The following EYS variants were observed in gnomAD, a reference collection of about 807,000 sequenced individuals.
EYS encodes protein eyes shut homolog.
Under a neutral mutation model 282.1 loss-of-function variants are expected in EYS, and 250 were observed. The observed-to-expected ratio is 0.89, with a 90% CI of 0.80 to 0.98. The LOEUF is 0.98. Among genes scored for constraint, EYS ranks in the 50% least tolerant of loss-of-function variants. The pLI, the probability that EYS is intolerant of heterozygous loss-of-function variation, is 0.00. For synonymous variants in EYS, 1,355 were observed against 1,282.9 expected (o/e 1.06, Z -1.20); for missense variants, 4,016 against 3,709.0 (o/e 1.08, Z -2.15).
intron 31 of EYS, among the ~76,000 whole-genome samples, chr6:64,191,230 G>A (rs1765093680): frequency 6.6e-6 from 1 of 150,984 alleles, no homozygotes; most frequent in Non-Finnish European, 1.5e-5. Flanking sequence ...CACATTTTTG[G>A]TGCCTTGTTT....
At chr6:65,042,140 A>G (rs1222788534) in intron 13 of EYS, among the ~76,000 whole-genome samples, 1 of 151,596 alleles carries the variant, frequency 6.6e-6, no homozygotes, top group African/African-American at 2.4e-5. Context: ...AATCATTTTT[A>G]CTTCTGGTCT....
At chr6:64,357,043 A>C (rs1161157311) in intron 29 of EYS, among the ~76,000 whole-genome samples, 2 of 151,670 alleles carry the variant, frequency 1.3e-5, no homozygotes, top group Non-Finnish European at 3.0e-5. Context: ...ATTAGTCAAC[A>C]TCTATTTCTG....
chr6:65,635,467 A>G (rs546121476), intron 2 of EYS, among the ~76,000 whole-genome samples: 218 of 152,200 alleles, frequency 1.4e-3, no homozygotes, highest in African/African-American at 5.0e-3. Flanking sequence ...TTTAGTTTAT[A>G]TGACTTTTAT....
chr6:65,270,845 A>G (rs1171271946), intron 12 of EYS, among the ~76,000 whole-genome samples: 2 of 151,984 alleles, frequency 1.3e-5, no homozygotes, highest in African/African-American at 4.8e-5. Flanking sequence ...ACCTGAGACC[A>G]TAATGGCAGC....
At chr6:65,007,523 C>A (rs956990137) in intron 13 of EYS, among the ~76,000 whole-genome samples, 2 of 152,044 alleles carry the variant, frequency 1.3e-5, no homozygotes, top group African/African-American at 4.8e-5. Flanking sequence ...GAGTGAAGTG[C>A]CATATGTACA....
At chr6:64,667,951 G>T (rs1242296103) in intron 22 of EYS, among the ~76,000 whole-genome samples, 2 of 152,126 alleles carry the variant, frequency 1.3e-5, no homozygotes, top group Non-Finnish European at 2.9e-5. Context: ...CATCTGGAGG[G>T]CTTAAAAATT....
intron 7 of EYS, among the ~76,000 whole-genome samples, chr6:65,389,815 C>T (rs899896617): frequency 4.0e-5 from 6 of 151,886 alleles, no homozygotes; most frequent in South Asian, 2.1e-4. Context: ...AAGAGTTTAA[C>T]GGTAGGATGA....
chr6:63,967,795 C>A (rs1028460564), intron 35 of EYS, among the ~76,000 whole-genome samples: 1 of 152,164 alleles, frequency 6.6e-6, no homozygotes, highest in African/African-American at 2.4e-5. Context: ...AATGTCCTTG[C>A]ATTTGTATGA....
chr6:65,514,978 G>A (rs1363056358), intron 2 of EYS, among the ~76,000 whole-genome samples: 1 of 152,208 alleles, frequency 6.6e-6, no homozygotes, highest in African/African-American at 2.4e-5. Flanking sequence ...CACAGCAAAA[G>A]AAACTACCAT....
Position 64,723,006 on chromosome 6 carries a change from C to T in EYS, c.3443+90372G>A, listed in dbSNP as rs1583080040. ...TAGGTCAGTATATCTGTAGCAGCAA[C>T]CCCTTATGTTAAAACCTGGAAAGGG... On this transcript the variant is annotated intron_variant, in intron 22 of 42. Transcript: ENST00000503581. 5.9e-5 allele frequency among the ~76,000 whole-genome samples: 9 copies of T among 151,976 alleles called. 1 individual carries two copies. The South Asian group carries it at 1.9e-3, about 32-fold the overall frequency.
intron 31 of EYS, among the ~76,000 whole-genome samples, chr6:64,117,627 C>A (rs1288610861): frequency 6.6e-6 from 1 of 150,834 alleles, no homozygotes; most frequent in Non-Finnish European, 1.5e-5. Flanking sequence ...TGAAAAAAAT[C>A]CTAGATACAA....
chr6:64,452,011 C>A (rs1436709935), intron 26 of EYS, among the ~76,000 whole-genome samples: 2 of 152,076 alleles, frequency 1.3e-5, no homozygotes, highest in Non-Finnish European at 2.9e-5. Context: ...CTGGCCAGGG[C>A]AATCAGGCAG....
intron 19 of EYS, among the ~76,000 whole-genome samples, chr6:64,860,073 T>C (rs1299808363): frequency 6.6e-6 from 1 of 152,254 alleles, no homozygotes; most frequent in Non-Finnish European, 1.5e-5. Flanking sequence ...GTCCCTTTTT[T>C]CTGTGTCTTC....
At chr6:63,999,016 A>C in intron 34 of EYS, 59 bp downstream of exon 34, 2 of 1,036,840 alleles carry the variant, frequency 1.9e-6, no homozygotes, top group Non-Finnish European at 2.9e-6. Flanking sequence ...CATAAAAAAT[A>C]CTTATCTGAA....
Position 63,999,152 on chromosome 6 carries a change from C to A in EYS, c.6757G>T (p.Val2253Phe). 2 of 1,551,570 alleles carry A rather than the reference C, an allele frequency of 1.3e-6. No homozygotes were observed. The highest frequency in any genetic ancestry group is 1.7e-6 in the Non-Finnish European group (2 of 1,146,858). Residue 2253 changes from valine (V) to phenylalanine (F), a missense_variant, in exon 34 of 43, where the codon GTT becomes TTT. Transcript: ENST00000503581. ...YTTPVGSPGVVCMIEMTADGK... is the reference protein window; with the variant it reads ...YTTPVGSPGVFCMIEMTADGK... The stretch of plus-strand genomic sequence containing the variant: ...TCTGCAGTCATTTCAATCATACAAA[C>A]AACTCCAGGGCTGCCAACAGGCGTT...
At chr6:64,434,715 A>C (rs1774682979) in intron 28 of EYS, among the ~76,000 whole-genome samples, 1 of 152,246 alleles carries the variant, frequency 6.6e-6, no homozygotes, top group Admixed American at 6.6e-5. Context: ...TCAGTTTTGC[A>C]TCTGAAAAGT....
intron 26 of EYS, among the ~76,000 whole-genome samples, chr6:64,553,739 G>T (rs1057035823): frequency 6.6e-6 from 1 of 151,822 alleles, no homozygotes; most frequent in East Asian, 1.9e-4. Flanking sequence ...TTTTAAAAAA[G>T]AAAATTACAG....
intron 26 of EYS, among the ~76,000 whole-genome samples, chr6:64,466,959 C>T (rs1280780575): frequency 6.6e-6 from 1 of 152,052 alleles, no homozygotes; most frequent in African/African-American, 2.4e-5. Context: ...AAGTCAGAAA[C>T]AGCGAGAAGA....
intron 26 of EYS, among the ~76,000 whole-genome samples, chr6:64,568,057 A>G (rs1765615793): frequency 6.6e-6 from 1 of 152,226 alleles, no homozygotes; most frequent in South Asian, 2.1e-4. Flanking sequence ...GAAGGCCAAA[A>G]TAAATAGAAT....
Sources: allele counts gnomAD v4.1 joint callset (sites outside exome capture counted in the v4.1 genomes callset), GRCh38; gene constraint gnomAD v4.1.1; transcripts MANE v1.5; gene names NCBI Gene and HGNC (gene_info 2026-07-23, HGNC 2026-07-21).